ROBO1: variants seen among roughly 807,000 people sequenced by gnomAD.
The protein encoded by ROBO1 is roundabout homolog 1.
ROBO1 carries 149 observed loss-of-function variants against 195.9 expected under a neutral mutation model. That is an observed-to-expected ratio of 0.76 (90% CI 0.67 to 0.87). ROBO1 has a LOEUF of 0.87. Ranked by LOEUF, ROBO1 falls within the 40% of genes least tolerant of loss-of-function variation. ROBO1 has a pLI of 0.00. For synonymous variants in ROBO1, 816 were observed against 733.2 expected (o/e 1.11, Z -1.82); for missense variants, 1,933 against 2,068.3 (o/e 0.93, Z 1.27).
intron 4 of ROBO1, among the ~76,000 whole-genome samples, chr3:78,798,738 A>G (rs1315401151): frequency 6.6e-6 from 1 of 152,236 alleles, no homozygotes; most frequent in Admixed American, 6.5e-5. Context: ...ATCCAAAGGT[A>G]CAACAATTTG....
chr3:79,659,833 A>G (rs1946278557), intron 1 of ROBO1, among the ~76,000 whole-genome samples: 1 of 152,024 alleles, frequency 6.6e-6, no homozygotes, highest in African/African-American at 2.4e-5. Flanking sequence ...CAAAGGGACA[A>G]TGGTGATAGG....
intron 4 of ROBO1, among the ~76,000 whole-genome samples, chr3:78,792,821 T>C (rs565115880): frequency 6.6e-6 from 1 of 152,238 alleles, no homozygotes; most frequent in South Asian, 2.1e-4. Flanking sequence ...AGTCTTTACC[T>C]AGACACAGTG....
chr3:79,059,520 T>C (rs1025234761), intron 3 of ROBO1, among the ~76,000 whole-genome samples: 1 of 152,174 alleles, frequency 6.6e-6, no homozygotes, highest in South Asian at 2.1e-4. Context: ...AGCGATGTTG[T>C]GGGAAGTCAG....
chr3:79,160,808 T>C (rs999553057), intron 2 of ROBO1, among the ~76,000 whole-genome samples: 1 of 151,974 alleles, frequency 6.6e-6, no homozygotes, highest in Non-Finnish European at 1.5e-5. Flanking sequence ...GAGCACTCAG[T>C]AACAACAAAA....
chr3:78,860,326 A>ATATATAT (rs376853384), intron 4 of ROBO1, among the ~76,000 whole-genome samples: 1,894 of 93,440 alleles, frequency 0.02, 81 homozygotes, highest in African/African-American at 0.071. Context: ...ATATATATAT[A>ATATATAT]TTTTTTTTTT....
At chr3:79,345,028 C>T (rs1300557570) in intron 2 of ROBO1, among the ~76,000 whole-genome samples, 2 of 152,136 alleles carry the variant, frequency 1.3e-5, no homozygotes, top group Admixed American at 6.6e-5. Flanking sequence ...TCAATTAAAC[C>T]TCTTTCCTTT....
intron 2 of ROBO1, among the ~76,000 whole-genome samples, chr3:79,482,132 G>T (rs1037863682): frequency 1.3e-5 from 2 of 152,098 alleles, no homozygotes; most frequent in Non-Finnish European, 2.9e-5. Flanking sequence ...CAAAAATATT[G>T]ATTCCATCAG....
chr3:78,973,408 T>C (rs2076812195), intron 3 of ROBO1, among the ~76,000 whole-genome samples: 1 of 147,136 alleles, frequency 6.8e-6, no homozygotes, highest in Non-Finnish European at 1.5e-5. Flanking sequence ...ACCTTTCATA[T>C]ATATATATAT....
At chr3:78,879,341 T>C (rs1032900474) in intron 4 of ROBO1, among the ~76,000 whole-genome samples, 6 of 152,164 alleles carry the variant, frequency 3.9e-5, no homozygotes, top group Non-Finnish European at 5.9e-5. Context: ...CATGTGTATG[T>C]CTACACATAT....
intron 2 of ROBO1, among the ~76,000 whole-genome samples, chr3:79,137,140 A>G (rs1399882414): frequency 6.6e-6 from 1 of 152,120 alleles, no homozygotes; most frequent in African/African-American, 2.4e-5. Flanking sequence ...CCAAGTGGAC[A>G]ATACTTGTTA....
At position 78,617,645 on chromosome 3, in the gene ROBO1, C is replaced by T; in HGVS notation, c.4272G>A (p.Gln1424=). The T allele has an allele frequency of 6.2e-7, 1 of 1,610,108 alleles. No individual in the cohort carries two copies. The highest frequency in any genetic ancestry group is 8.5e-7 in the Non-Finnish European group (1 of 1,177,758). The part of the protein sequence containing the change: ...AGLKVARRQM[Q]DAAGRRHFHA... Reference sequence around the variant, plus strand: ...AGTGTTAGGACTCACCAGCAGCATCCTGCATTTGCCGTCGTGCTACTTTCA... The same window carrying T: ...AGTGTTAGGACTCACCAGCAGCATCTTGCATTTGCCGTCGTGCTACTTTCA... Residue 1424 remains glutamine (Q), a synonymous_variant, in exon 27 of 31, where the codon CAG becomes CAA. Coordinates refer to ENST00000464233, the MANE Select transcript of ROBO1 (RefSeq NM_002941.4).
intron 2 of ROBO1, among the ~76,000 whole-genome samples, chr3:79,460,646 C>T (rs1259804292): frequency 6.6e-6 from 1 of 152,128 alleles, no homozygotes; most frequent in Non-Finnish European, 1.5e-5. Flanking sequence ...CCTTTTATAA[C>T]CCTAATGGGA....
At chr3:79,269,569 T>C (rs1389742557) in intron 2 of ROBO1, among the ~76,000 whole-genome samples, 1 of 151,704 alleles carries the variant, frequency 6.6e-6, no homozygotes, top group Non-Finnish European at 1.5e-5. Flanking sequence ...TGAATATTGG[T>C]TCCTCATACA....
At position 78,948,202 on chromosome 3, in the gene ROBO1, A is replaced by C. The variant is rs956924105; in HGVS notation, c.173-9275T>G. On this transcript the variant is annotated intron_variant, in intron 3 of 30. Transcript: ENST00000464233. ...GCCAGCATCATCCTGATACCAAAGCATGGCAGAGACACAACCAATTTTAGA... is the reference window on the plus strand; with the variant it reads ...GCCAGCATCATCCTGATACCAAAGCCTGGCAGAGACACAACCAATTTTAGA... 1.4e-4 allele frequency among the ~76,000 whole-genome samples: 22 copies of C among 152,238 alleles called. 1 individual carries two copies. The highest frequency in any genetic ancestry group is 1.4e-3 in the East Asian group (7 of 5,168).
chr3:78,841,038 G>C (rs1241769369), intron 4 of ROBO1, among the ~76,000 whole-genome samples: 3 of 150,974 alleles, frequency 2.0e-5, no homozygotes, highest in African/African-American at 4.9e-5. Context: ...CTCCAGCCTG[G>C]GTGACAGAGC....
intron 2 of ROBO1, among the ~76,000 whole-genome samples, chr3:79,540,368 A>T (rs1411189538): frequency 6.6e-6 from 1 of 152,056 alleles, no homozygotes; most frequent in Non-Finnish European, 1.5e-5. Context: ...ATTAAGTGAA[A>T]TTATCTTTTA....
intron 2 of ROBO1, among the ~76,000 whole-genome samples, chr3:79,391,755 T>C (rs1028557076): frequency 6.6e-6 from 1 of 152,142 alleles, no homozygotes; most frequent in African/African-American, 2.4e-5. Flanking sequence ...AGCCACTAGA[T>C]ACAAGTAAAA....
intron 4 of ROBO1, among the ~76,000 whole-genome samples, chr3:78,892,386 G>A (rs2036958006): frequency 6.6e-6 from 1 of 152,134 alleles, no homozygotes; most frequent in Non-Finnish European, 1.5e-5. Flanking sequence ...TTAGAGCACG[G>A]ACTCTGGAAG....
intron 1 of ROBO1, among the ~76,000 whole-genome samples, chr3:79,718,944 A>T (rs1269044085): frequency 1.3e-5 from 2 of 152,064 alleles, no homozygotes; most frequent in East Asian, 3.9e-4. Context: ...GTTGAACTAA[A>T]AGAAATACTT....
Sources: allele counts gnomAD v4.1 joint callset (sites outside exome capture counted in the v4.1 genomes callset), GRCh38; gene constraint gnomAD v4.1.1; transcripts MANE v1.5; gene names NCBI Gene and HGNC (gene_info 2026-07-23, HGNC 2026-07-21).